Variants in MALRD1 observed in about 807,000 individuals in gnomAD.
The protein encoded by MALRD1 is MAM and LDL-receptor class A domain-containing protein 1.
In MALRD1, 247 loss-of-function variants were observed where a neutral mutation model predicts 242.1. That is an observed-to-expected ratio of 1.02 (90% CI 0.92 to 1.13). The LOEUF (loss-of-function observed/expected upper bound fraction) is 1.13. MALRD1 is among the 50% of genes most tolerant of loss of function. MALRD1 has a pLI of 0.00. For synonymous variants in MALRD1, 995 were observed against 866.6 expected, an observed-to-expected ratio of 1.15 and a Z score of -2.60; for missense variants, 2,989 against 2,533.1, an observed-to-expected ratio of 1.18 and a Z score of -3.86.
At chr10:19,161,070 A>G (rs926441679) in intron 12 of MALRD1, among the ~76,000 whole-genome samples, 34 of 147,916 alleles carry the variant, frequency 2.3e-4, no homozygotes, top group African/African-American at 8.5e-4. Flanking sequence ...TTATTGCGGC[A>G]CTATTCACAA....
chr10:19,098,302 G>A (rs1417407380), intron 4 of MALRD1, among the ~76,000 whole-genome samples: 1 of 152,088 alleles, frequency 6.6e-6, no homozygotes, highest in African/African-American at 2.4e-5. Context: ...AGATACTGAA[G>A]CATTTTTAAC....
At chr10:19,408,248 G>C (rs1833120756) in intron 28 of MALRD1, among the ~76,000 whole-genome samples, 1 of 152,142 alleles carries the variant, frequency 6.6e-6, no homozygotes, top group South Asian at 2.1e-4. Context: ...GAAGGGTAAG[G>C]AATAGGAATT....
intron 36 of MALRD1, among the ~76,000 whole-genome samples, chr10:19,661,203 C>T (rs1841410746): frequency 6.6e-6 from 1 of 152,166 alleles, no homozygotes; most frequent in Non-Finnish European, 1.5e-5. Context: ...TAAACTAGTT[C>T]AACCATTGTG....
chr10:19,550,343 T>A (rs2131403969), intron 32 of MALRD1, among the ~76,000 whole-genome samples: 1 of 152,324 alleles, frequency 6.6e-6, no homozygotes, highest in Admixed American at 6.5e-5. Context: ...TTATGTTTTT[T>A]AAACTTTTTA....
chr10:19,595,847 C>A (rs534583089), intron 34 of MALRD1, among the ~76,000 whole-genome samples: 6 of 152,192 alleles, frequency 3.9e-5, no homozygotes, highest in Admixed American at 3.3e-4. Context: ...ATAGAGATTT[C>A]CTTTTTGATC....
chr10:19,065,034 T>A (rs1179593588), intron 1 of MALRD1, among the ~76,000 whole-genome samples: 1 of 151,900 alleles, frequency 6.6e-6, no homozygotes, highest in African/African-American at 2.4e-5. Flanking sequence ...ATGCCTGTAA[T>A]CCCAGCACTT....
At chr10:19,638,287 A>C (rs995542001) in intron 36 of MALRD1, among the ~76,000 whole-genome samples, 1 of 152,022 alleles carries the variant, frequency 6.6e-6, no homozygotes, top group African/African-American at 2.4e-5. Context: ...AATTATATAA[A>C]CATGTCAAGT....
Position 19,068,059 on chromosome 10 carries a change from T to C in MALRD1, c.340+1200T>C, listed in dbSNP as rs76307699. 3.5e-3 allele frequency among the ~76,000 whole-genome samples: 526 copies of C among 152,268 alleles called. 9 individuals are homozygous for C. The highest frequency in any genetic ancestry group is 0.019 in the East Asian group (99 of 5,182). On this transcript the variant is annotated intron_variant, in intron 2 of 39. Transcript: ENST00000454679. Reference sequence around the variant, plus strand: ...GATTTAGTTATGTTAGATGGTGATATTGAATCTTGCTCCCAACCTAACGGC... The same window carrying C: ...GATTTAGTTATGTTAGATGGTGATACTGAATCTTGCTCCCAACCTAACGGC...
At chr10:19,601,002 A>G (rs1028168583) in intron 34 of MALRD1, among the ~76,000 whole-genome samples, 1 of 151,874 alleles carries the variant, frequency 6.6e-6, no homozygotes, top group African/African-American at 2.4e-5. Flanking sequence ...CCCCCACCTT[A>G]GTCTCCCAAG....
At chr10:19,096,857 G>T (rs530526479) in intron 4 of MALRD1, among the ~76,000 whole-genome samples, 51 of 152,188 alleles carry the variant, frequency 3.4e-4, no homozygotes, top group African/African-American at 1.2e-3. Flanking sequence ...GCTTAGCACG[G>T]GCTTTGGAGA....
chr10:19,428,937 G>A (rs1834010380), intron 28 of MALRD1, among the ~76,000 whole-genome samples: 1 of 152,102 alleles, frequency 6.6e-6, no homozygotes, highest in Non-Finnish European at 1.5e-5. Context: ...AAACTGACAT[G>A]AGCCTATCTG....
intron 32 of MALRD1, among the ~76,000 whole-genome samples, chr10:19,557,178 A>G (rs571355004): frequency 6.6e-6 from 1 of 152,124 alleles, no homozygotes; most frequent in African/African-American, 2.4e-5. Context: ...AGTTCTTTAT[A>G]TATTTTGAAT....
At chr10:19,419,959 A>G (rs1037942842) in intron 28 of MALRD1, among the ~76,000 whole-genome samples, 1 of 152,214 alleles carries the variant, frequency 6.6e-6, no homozygotes, top group Non-Finnish European at 1.5e-5. Flanking sequence ...TAGAAAGATC[A>G]AAGTGTTATA....
chr10:19,447,376 T>G (rs969635960), intron 28 of MALRD1, among the ~76,000 whole-genome samples: 10 of 152,204 alleles, frequency 6.6e-5, no homozygotes, highest in African/African-American at 2.4e-4. Flanking sequence ...ACAGCTAGTA[T>G]AGTAGAATGA....
chr10:19,136,971 C>T (rs1833364254), intron 10 of MALRD1, among the ~76,000 whole-genome samples, 190 bp downstream of exon 10: 1 of 152,144 alleles, frequency 6.6e-6, no homozygotes, highest in Non-Finnish European at 1.5e-5. Flanking sequence ...TGTTTTGGTG[C>T]TTGTTGCAAA....
At chr10:19,704,623 G>A (rs975491330) in intron 38 of MALRD1, among the ~76,000 whole-genome samples, 4 of 152,164 alleles carry the variant, frequency 2.6e-5, no homozygotes, top group Non-Finnish European at 4.4e-5. Flanking sequence ...ATTATAAGAT[G>A]TGAAAGTGAT....
chr10:19,320,226 C>T (rs1294249552), intron 21 of MALRD1, among the ~76,000 whole-genome samples: 1 of 151,824 alleles, frequency 6.6e-6, no homozygotes, highest in African/African-American at 2.4e-5. Context: ...CCCCTTACCC[C>T]TACCCCGCGA....
At chr10:19,247,842 C>T (rs553646004) in intron 18 of MALRD1, among the ~76,000 whole-genome samples, 15 of 151,752 alleles carry the variant, frequency 9.9e-5, no homozygotes, top group Admixed American at 6.6e-4. Context: ...AAAACTTAAC[C>T]GACGTTAAAT....
intron 18 of MALRD1, among the ~76,000 whole-genome samples, chr10:19,216,376 A>G (rs1472639356): frequency 6.6e-6 from 1 of 151,576 alleles, no homozygotes; most frequent in Non-Finnish European, 1.5e-5. Context: ...TCGGCCTCCC[A>G]AAGCGCTGGG....
Sources: allele counts gnomAD v4.1 joint callset (sites outside exome capture counted in the v4.1 genomes callset), GRCh38; gene constraint gnomAD v4.1.1; transcripts MANE v1.5; gene names NCBI Gene and HGNC (gene_info 2026-07-23, HGNC 2026-07-21).